Variants in BFSP1 observed in about 807,000 individuals in gnomAD.
BFSP1 encodes filensin.
A neutral mutation model predicts 43.9 loss-of-function variants in BFSP1; 38 were observed. The ratio of observed to expected loss-of-function variants is 0.87; its 90% CI spans 0.67 to 1.14. The LOEUF (loss-of-function observed/expected upper bound fraction) is 1.14. Among genes scored for constraint, BFSP1 ranks in the 50% most tolerant of loss-of-function variants. The pLI is 0.00. For synonymous variants in BFSP1, 352 were observed against 354.8 expected, an observed-to-expected ratio of 0.99 and a Z score of 0.09; for missense variants, 850 against 875.1, an observed-to-expected ratio of 0.97 and a Z score of 0.36.
At chr20:17,497,773 T>C (rs903906548) in intron 6 of BFSP1, among the ~76,000 whole-genome samples, 1 of 151,998 alleles carries the variant, frequency 6.6e-6, no homozygotes, top group African/African-American at 2.4e-5. Context: ...ATCTGGAGTA[T>C]TCAGGAGTTC....
chr20:17,495,799 G>C (rs2033617715), intron 7 of BFSP1, among the ~76,000 whole-genome samples: 1 of 152,154 alleles, frequency 6.6e-6, no homozygotes, highest in African/African-American at 2.4e-5. Context: ...AGTGAATTTT[G>C]AACTTTTTCA....
intron 1 of BFSP1, among the ~76,000 whole-genome samples, chr20:17,551,189 G>A (rs1227235803): frequency 2.0e-5 from 3 of 152,176 alleles, no homozygotes; most frequent in South Asian, 2.1e-4. Context: ...GTTGGCTCAC[G>A]GTTCTGCAGG....
chr20:17,562,066 G>A (rs1243654761), upstream of BFSP1, among the ~76,000 whole-genome samples: 3 of 151,904 alleles, frequency 2.0e-5, no homozygotes, highest in East Asian at 2.0e-4. Context: ...GATTACAAGC[G>A]CACACTACCA....
intron 1 of BFSP1, among the ~76,000 whole-genome samples, chr20:17,529,174 G>A (rs574659608): frequency 3.4e-4 from 51 of 151,960 alleles, no homozygotes; most frequent in African/African-American, 1.2e-3. Context: ...CCAGATTCAA[G>A]TGATTCTCCT....
chr20:17,541,799 A>G (rs969550493), intron 1 of BFSP1, among the ~76,000 whole-genome samples: 1 of 152,250 alleles, frequency 6.6e-6, no homozygotes, highest in Non-Finnish European at 1.5e-5. Flanking sequence ...TTTGCTGAAC[A>G]TAGCAGTCTA....
chr20:17,557,459 GC>G (rs1216623855), intron 1 of BFSP1, among the ~76,000 whole-genome samples: 1 of 152,066 alleles, frequency 6.6e-6, no homozygotes, highest in African/African-American at 2.4e-5. Flanking sequence ...AGCTTTCTCT[GC>G]CCCCCTATGT....
At chr20:17,520,209 T>TGGGGGGGGGGGG in intron 2 of BFSP1, among the ~76,000 whole-genome samples, 1 of 130,612 alleles carries the variant, frequency 7.7e-6, no homozygotes, top group African/African-American at 3.0e-5. Context: ...GGTTTTAACG[T>TGGGGGGGGGGGG]GCCCCCCCAC....
intron 5 of BFSP1, among the ~76,000 whole-genome samples, chr20:17,499,403 CTTTTTTTTTTT>C (rs34583097): frequency 1.2e-5 from 1 of 82,100 alleles, no homozygotes; most frequent in African/African-American, 4.4e-5. Flanking sequence ...ACATGCTGGG[CTTTTTTTTTTT>C]TTTTTTTTTT....
At chr20:17,567,001 T>A (rs1380213137) in intron 1 of BFSP1, among the ~76,000 whole-genome samples, 1 of 152,212 alleles carries the variant, frequency 6.6e-6, no homozygotes, top group Non-Finnish European at 1.5e-5. Flanking sequence ...GGCTCTGCTC[T>A]CATGGCCTAA....
intron 4 of BFSP1, among the ~76,000 whole-genome samples, chr20:17,511,479 A>C (rs1012818427): frequency 2.6e-5 from 4 of 152,236 alleles, no homozygotes; most frequent in African/African-American, 7.2e-5. Context: ...ACTTCCACAA[A>C]GAAGCTATCC....
rs1266568790 is a variant in BFSP1 at position 17,544,069 on chromosome 20, G to A, written c.2+14619C>T. 2.2e-4 allele frequency among the ~76,000 whole-genome samples: 34 copies of A among 152,186 alleles called. 1 individual carries two copies. Among genetic ancestry groups the A allele is most frequent in the Non-Finnish European group, 7.3e-5 (5 of 68,028 alleles). ...AGCCAACTCCGTGGCAAGGATTTGA[G>A]TACAAGTAATGTATTTTGGACATGA... On this transcript the variant is annotated intron_variant, in intron 1 of 7. Transcript: ENST00000377868.
intron 1 of BFSP1, among the ~76,000 whole-genome samples, chr20:17,544,417 G>A (rs1049627690): frequency 6.6e-6 from 1 of 152,224 alleles, no homozygotes; most frequent in Admixed American, 6.5e-5. Flanking sequence ...GTGCTGAGGG[G>A]GTACGGGGGT....
chr20:17,568,547 C>A (rs940705986), intron 1 of BFSP1, among the ~76,000 whole-genome samples: 1 of 152,044 alleles, frequency 6.6e-6, no homozygotes, highest in African/African-American at 2.4e-5. Context: ...CATTCTCAAG[C>A]ATCATCTTAG....
At chr20:17,558,803 T>C in exon 1 of BFSP1, 5 of 1,464,198 alleles carry the variant, frequency 3.4e-6, no homozygotes, top group Non-Finnish European at 4.6e-6. Flanking sequence ...TCCAAAACCC[T>C]CTCCAGAGGG....
In BFSP1 at chr20:17,516,797, T is replaced by C. The variant is rs535181237; in HGVS notation, c.439-1981A>G. 13 of 515,900 alleles carry C rather than the reference T, an allele frequency of 2.5e-5. No homozygotes were observed. The Middle Eastern group carries it at 2.1e-3, about 83-fold the overall frequency. 32.0% of individuals were successfully genotyped at this position (515,900 alleles called of 1,614,324 possible). A position where few individuals can be genotyped will look rare whatever the true frequency, so the allele number is the denominator to read the frequency against. ...ACCCTTAGGAATGTATCTTAAAACA[T>C]TTCCTTCCTTTTCCATTAGCCACCT... On this transcript the variant is annotated intron_variant, in intron 2 of 7. Transcript: ENST00000377873.
intron 5 of BFSP1, among the ~76,000 whole-genome samples, chr20:17,508,347 T>C (rs2033990315): frequency 6.6e-6 from 1 of 151,988 alleles, no homozygotes. Flanking sequence ...CCAAAAGGGG[T>C]GGGGGTAGAA....
upstream of BFSP1, among the ~76,000 whole-genome samples, chr20:17,562,212 G>A (rs892565298): frequency 9.3e-5 from 14 of 151,344 alleles, no homozygotes; most frequent in African/African-American, 2.9e-4. Context: ...GAGCCACCGC[G>A]CCCGGAGGAT....
At chr20:17,503,562 A>G (rs991866131) in intron 5 of BFSP1, among the ~76,000 whole-genome samples, 3 of 152,082 alleles carry the variant, frequency 2.0e-5, no homozygotes, top group African/African-American at 7.2e-5. Flanking sequence ...CATTATTTCC[A>G]CTTTACAGAT....
chr20:17,533,986 C>T (rs1291836144), upstream of BFSP1, among the ~76,000 whole-genome samples: 1 of 152,126 alleles, frequency 6.6e-6, no homozygotes, highest in Non-Finnish European at 1.5e-5. Flanking sequence ...AAGATCTTAG[C>T]AAAATGCTGT....
Sources: allele counts gnomAD v4.1 joint callset (sites outside exome capture counted in the v4.1 genomes callset), GRCh38; gene constraint gnomAD v4.1.1; transcripts MANE v1.5; gene names NCBI Gene and HGNC (gene_info 2026-07-23, HGNC 2026-07-21).